The following OXCT1 variants were observed in gnomAD, a reference collection of about 807,000 sequenced individuals.
OXCT1 encodes the protein 3-oxoacid CoA-transferase 1.
Under a neutral mutation model 69.6 loss-of-function variants are expected in OXCT1, and 27 were observed. The ratio of observed to expected loss-of-function variants is 0.39; its 90% confidence interval spans 0.29 to 0.54. OXCT1 has a LOEUF of 0.54. Among genes scored for constraint, OXCT1 ranks in the 20% least tolerant of loss-of-function variants. OXCT1 has a pLI of 0.72. For missense variants in OXCT1, 437 were observed against 650.2 expected, an observed-to-expected ratio of 0.67 and a Z score of 3.57; for synonymous variants, 202 against 217.8, an observed-to-expected ratio of 0.93 and a Z score of 0.64.
intron 4 of OXCT1, 117 bp downstream of exon 4, chr5:41,853,302 G>C: frequency 1.2e-6 from 1 of 865,546 alleles, no homozygotes; most frequent in Non-Finnish European, 1.8e-6. Flanking sequence ...AAAATTCCCT[G>C]GTTTGGCAAA....
chr5:41,788,417 G>C (rs1049704095), intron 13 of OXCT1, among the ~76,000 whole-genome samples: 1 of 152,046 alleles, frequency 6.6e-6, no homozygotes, highest in Non-Finnish European at 1.5e-5. Context: ...ATGATTTAGA[G>C]ATTATAAGAT....
chr5:41,844,688 CA>C (rs1748806779), intron 5 of OXCT1, among the ~76,000 whole-genome samples: 1 of 152,090 alleles, frequency 6.6e-6, no homozygotes, highest in Admixed American at 6.6e-5. Flanking sequence ...GTCTCCAATG[CA>C]CCATGTTCCA....
intron 13 of OXCT1, among the ~76,000 whole-genome samples, chr5:41,763,697 A>C (rs1477809420): frequency 6.6e-6 from 1 of 152,102 alleles, no homozygotes; most frequent in Non-Finnish European, 1.5e-5. Context: ...TGTCCTTGGC[A>C]GACTGAGGGG....
intron 3 of OXCT1, 122 bp from the exon 4 acceptor site, chr5:41,853,676 C>T: frequency 9.0e-7 from 1 of 1,105,712 alleles, no homozygotes; most frequent in East Asian, 2.6e-5. Context: ...GGCATTTGAT[C>T]CACATTCTTA....
At chr5:41,805,804 A>C in intron 8 of OXCT1, 123 bp from the exon 9 acceptor site, 1 of 705,146 alleles carries the variant, frequency 1.4e-6, no homozygotes, top group Non-Finnish European at 2.6e-6. Flanking sequence ...ACAAATCTGC[A>C]ATATACCAGA....
intron 14 of OXCT1, among the ~76,000 whole-genome samples, chr5:41,751,205 G>C (rs1743766702): frequency 6.6e-6 from 1 of 151,986 alleles, no homozygotes; most frequent in Admixed American, 6.6e-5. Context: ...ATAAATCAAG[G>C]CATGTCACAA....
chr5:41,810,995 C>T (rs1746953983), intron 7 of OXCT1, among the ~76,000 whole-genome samples: 1 of 149,458 alleles, frequency 6.7e-6, no homozygotes, highest in Non-Finnish European at 1.5e-5. Flanking sequence ...TAGGAGGAAA[C>T]TTCTTTTGCC....
intron 15 of OXCT1, among the ~76,000 whole-genome samples, chr5:41,744,619 A>C (rs568066693): frequency 6.6e-6 from 1 of 152,226 alleles, no homozygotes; most frequent in East Asian, 1.9e-4. Flanking sequence ...GATAGCTCTT[A>C]TTATTTTGAG....
At chr5:41,819,910 T>C (rs1291850167) in intron 7 of OXCT1, among the ~76,000 whole-genome samples, 1 of 152,150 alleles carries the variant, frequency 6.6e-6, no homozygotes, top group Non-Finnish European at 1.5e-5. Context: ...CAAAATGTTC[T>C]TCTTTTTCTA....
chr5:41,813,882 G>A (rs1286578802), intron 7 of OXCT1, among the ~76,000 whole-genome samples: 8 of 152,042 alleles, frequency 5.3e-5, no homozygotes. Context: ...TCTGGTTGTA[G>A]TAGCAAGAAT....
intron 7 of OXCT1, among the ~76,000 whole-genome samples, chr5:41,834,151 A>G (rs1287836368): frequency 6.6e-6 from 1 of 152,130 alleles, no homozygotes. Flanking sequence ...TACAAAAAAA[A>G]CTACAGATTC....
At chr5:41,835,028 C>T (rs1157880808) in intron 7 of OXCT1, among the ~76,000 whole-genome samples, 1 of 146,332 alleles carries the variant, frequency 6.8e-6, no homozygotes, top group Admixed American at 7.1e-5. Context: ...AACAATGAAA[C>T]AAAAAGTTGG....
chr5:41,840,697 ACT>A (rs1748587698), intron 6 of OXCT1, among the ~76,000 whole-genome samples, 186 bp from the exon 7 acceptor site: 1 of 152,232 alleles, frequency 6.6e-6, no homozygotes, highest in South Asian at 2.1e-4. Context: ...AAAAACCATA[ACT>A]ACTTTATTCA....
intron 13 of OXCT1, among the ~76,000 whole-genome samples, chr5:41,764,964 G>A (rs1744526629): frequency 6.6e-6 from 1 of 152,104 alleles, no homozygotes; most frequent in African/African-American, 2.4e-5. Flanking sequence ...CTTTTAGTGT[G>A]TTCACTGTAT....
intron 7 of OXCT1, among the ~76,000 whole-genome samples, chr5:41,834,507 A>G (rs373799837): frequency 5.9e-5 from 9 of 151,588 alleles, no homozygotes; most frequent in Admixed American, 2.6e-4. Context: ...AAAAAAAACA[A>G]AACAGAACAG....
chr5:41,799,717 G>C (rs1396849543), intron 11 of OXCT1, among the ~76,000 whole-genome samples: 1 of 152,140 alleles, frequency 6.6e-6, no homozygotes, highest in East Asian at 1.9e-4. Context: ...TATTGCTAAA[G>C]GGTACAGTAC....
intron 11 of OXCT1, among the ~76,000 whole-genome samples, chr5:41,800,196 A>C (rs755411335): frequency 6.6e-5 from 10 of 152,080 alleles, no homozygotes; most frequent in Non-Finnish European, 1.2e-4. Context: ...ATAAAAGGTA[A>C]AGCATATGCC....
chr5:41,796,985 C>A (rs1746212354), intron 11 of OXCT1, among the ~76,000 whole-genome samples: 1 of 152,124 alleles, frequency 6.6e-6, no homozygotes, highest in Admixed American at 6.5e-5. Context: ...TGTGTGAGCT[C>A]TAGGTTTTAA....
intron 6 of OXCT1, among the ~76,000 whole-genome samples, chr5:41,841,274 G>A (rs1479739210): frequency 6.6e-6 from 1 of 152,138 alleles, no homozygotes; most frequent in African/African-American, 2.4e-5. Flanking sequence ...TAGCTCTTTT[G>A]AGCCACCAAT....
Sources: gnomAD v4.1 joint callset for allele counts (sites outside exome capture counted in the v4.1 genomes callset) on GRCh38, gnomAD v4.1.1 for gene constraint, MANE v1.5 for transcripts, NCBI Gene and HGNC (gene_info 2026-07-23, HGNC 2026-07-21) for gene names.